OGDH: variants seen among roughly 807,000 people sequenced by gnomAD.
The protein encoded by OGDH is 2-oxoglutarate dehydrogenase complex component E1.
OGDH carries 38 observed loss-of-function variants against 116.6 expected under a neutral mutation model. The ratio of observed to expected loss-of-function variants is 0.33; its 90% CI spans 0.25 to 0.43. OGDH has a LOEUF of 0.43. Among genes scored for constraint, OGDH ranks in the 20% least tolerant of loss-of-function variants. OGDH has a pLI of 1.00. For synonymous variants in OGDH, 488 were observed against 533.3 expected, an observed-to-expected ratio of 0.92 and a Z score of 1.17; for missense variants, 825 against 1,357.2, an observed-to-expected ratio of 0.61 and a Z score of 6.16.
At chr7:44,658,971 G>T (rs1350866425) in intron 4 of OGDH, among the ~76,000 whole-genome samples, 1 of 151,944 alleles carries the variant, frequency 6.6e-6, no homozygotes, top group Non-Finnish European at 1.5e-5. Flanking sequence ...AAGTAGCAGG[G>T]GGCTACCAGT....
chr7:44,654,684 G>A (rs1482622642), intron 4 of OGDH, among the ~76,000 whole-genome samples: 1 of 152,142 alleles, frequency 6.6e-6, no homozygotes, highest in African/African-American at 2.4e-5. Flanking sequence ...AGCCATGGGC[G>A]ATATGGTCAC....
At chr7:44,679,351 A>G (rs984288964) in intron 9 of OGDH, among the ~76,000 whole-genome samples, 8 of 152,138 alleles carry the variant, frequency 5.3e-5, no homozygotes, top group Non-Finnish European at 1.2e-4. Context: ...GCACACCTCC[A>G]AGGGGGCCCC....
chr7:44,634,361 C>T (rs1488560238), intron 2 of OGDH, among the ~76,000 whole-genome samples: 1 of 152,212 alleles, frequency 6.6e-6, no homozygotes, highest in Non-Finnish European at 1.5e-5. Flanking sequence ...GAGGAAAAGG[C>T]ATGGCCACTG....
intron 1 of OGDH, among the ~76,000 whole-genome samples, chr7:44,624,043 G>A (rs1338877597): frequency 6.6e-6 from 1 of 152,038 alleles, no homozygotes; most frequent in African/African-American, 2.4e-5. Flanking sequence ...GCAAGAGTGT[G>A]TTTCAGTTTC....
intron 1 of OGDH, among the ~76,000 whole-genome samples, chr7:44,611,367 C>T (rs1384154850): frequency 1.3e-5 from 2 of 152,172 alleles, no homozygotes; most frequent in Non-Finnish European, 2.9e-5. Context: ...CTTCCGGGTT[C>T]ATGCCATTCT....
At chr7:44,613,189 G>A (rs1339520433) in intron 1 of OGDH, among the ~76,000 whole-genome samples, 1 of 134,722 alleles carries the variant, frequency 7.4e-6, no homozygotes, top group Non-Finnish European at 1.6e-5. Context: ...TTTTGTTTTT[G>A]TTTTTTGAGA....
chr7:44,632,606 G>T (rs375337567), intron 2 of OGDH, among the ~76,000 whole-genome samples: 141 of 147,680 alleles, frequency 9.5e-4, no homozygotes, highest in African/African-American at 3.4e-3. Context: ...CCTGGTGGAT[G>T]TTTTTTGTTG....
At chr7:44,653,731 G>A (rs1786556098) in intron 4 of OGDH, among the ~76,000 whole-genome samples, 1 of 152,118 alleles carries the variant, frequency 6.6e-6, no homozygotes, top group Non-Finnish European at 1.5e-5. Context: ...TTACCATGTT[G>A]GCCAGGCTGG....
At chr7:44,655,689 A>T (rs1221488104) in intron 4 of OGDH, among the ~76,000 whole-genome samples, 1 of 152,222 alleles carries the variant, frequency 6.6e-6, no homozygotes, top group African/African-American at 2.4e-5. Context: ...GAAAGCTGTT[A>T]TGTATAGTAG....
intron 2 of OGDH, among the ~76,000 whole-genome samples, chr7:44,624,996 A>G (rs1313921889): frequency 6.6e-6 from 1 of 152,112 alleles, no homozygotes; most frequent in East Asian, 1.9e-4. Context: ...CTTTTAGCTC[A>G]TTATGTTCGT....
chr7:44,652,419 T>C (rs1786491137), intron 4 of OGDH, among the ~76,000 whole-genome samples: 1 of 152,184 alleles, frequency 6.6e-6, no homozygotes, highest in Non-Finnish European at 1.5e-5. Context: ...CAGAGATAAC[T>C]TTTTAATGAA....
At position 44,651,674 on chromosome 7, in the gene OGDH, G is replaced by T. The variant is rs146544741; in HGVS notation, c.517+3915G>T. ...CCTCCCGGGTTCAAGTGATTCTCCT[G>T]CCTCAACCTCCTGAGTAGCTGGGAT... On this transcript the variant is annotated intron_variant, in intron 4 of 22. Transcript: ENST00000222673. 5.8e-3 allele frequency among the ~76,000 whole-genome samples: 879 copies of T among 151,992 alleles called. 10 individuals are homozygous for T. The highest frequency in any genetic ancestry group is 0.019 in the African/African-American group (803 of 41,454).
At chr7:44,607,286 G>A (rs1475148502) in intron 1 of OGDH, among the ~76,000 whole-genome samples, 2 of 152,332 alleles carry the variant, frequency 1.3e-5, no homozygotes, top group East Asian at 3.9e-4. Context: ...CTTATTTCTC[G>A]TAGAAACATC....
intron 4 of OGDH, among the ~76,000 whole-genome samples, chr7:44,659,892 G>T (rs777307190): frequency 7.2e-5 from 11 of 151,934 alleles, no homozygotes; most frequent in South Asian, 2.1e-4. Flanking sequence ...TGTTTCATTG[G>T]TTTTTTTCTG....
At position 44,694,024 on chromosome 7, in the gene OGDH, G is replaced by C; in HGVS notation, c.1515+20G>C. On this transcript the variant is annotated intron_variant, in intron 11 of 22. Coordinates refer to ENST00000222673, the MANE Select transcript of OGDH (RefSeq NM_002541.4). This position sits in a 1 kb window ranked among gnomAD's most constrained non-coding sequence, Gnocchi z 4.2. ...GATTTGGTGAGTGACTCTGGGGACA[G>C]CACGTCCTGGGCAGAGCATCTGACC... 14 of 1,602,016 alleles carry C rather than the reference G, an allele frequency of 8.7e-6. No individual in the cohort carries two copies. Among genetic ancestry groups the C allele is most frequent in the Non-Finnish European group, 1.2e-5 (14 of 1,171,418 alleles).
chr7:44,617,610 A>G (rs928844668), intron 1 of OGDH, among the ~76,000 whole-genome samples: 1 of 152,256 alleles, frequency 6.6e-6, no homozygotes, highest in Non-Finnish European at 1.5e-5. Flanking sequence ...TACTCTGTAC[A>G]TGAGTTCTTT....
chr7:44,705,368 T>C (rs1004840053), intron 20 of OGDH, among the ~76,000 whole-genome samples: 16 of 152,186 alleles, frequency 1.1e-4, no homozygotes, highest in African/African-American at 2.7e-4. Context: ...TTAATTTTCA[T>C]GAAGTCAGAT....
chr7:44,699,157 A>C, intron 18 of OGDH, among the ~76,000 whole-genome samples: 1 of 148,392 alleles, frequency 6.7e-6, no homozygotes. Flanking sequence ...GGCCAGGCGC[A>C]GTGGCTCACG....
chr7:44,666,771 G>A lies in OGDH; in HGVS notation c.553G>A (p.Val185Ile), dbSNP rs760165485. ...CCTGGATGAGTCTGACCTCGACAAGGTCTTCCACTTGCCCACCACCACTTT... is the reference window on the plus strand; with the variant it reads ...CCTGGATGAGTCTGACCTCGACAAGATCTTCCACTTGCCCACCACCACTTT... The part of the protein sequence containing the change: ...YGLDESDLDK[V>I]FHLPTTTFIG... The change falls in exon 5 of 23, where the codon GTC (valine) becomes ATC (isoleucine). Residue 185 changes from valine (V) to isoleucine (I), a missense_variant. By Grantham distance (29) the Val-to-Ile change is conservative. Coordinates refer to ENST00000222673, the MANE Select transcript of OGDH (RefSeq NM_002541.4). 1 of 1,613,330 alleles carries A rather than the reference G, an allele frequency of 6.2e-7. No homozygotes were observed. Among genetic ancestry groups the A allele is most frequent in the African/African-American group, 1.3e-5 (1 of 74,970 alleles).
Sources: allele counts gnomAD v4.1 joint callset (sites outside exome capture counted in the v4.1 genomes callset), GRCh38; gene constraint gnomAD v4.1.1; non-coding constraint Gnocchi (gnomAD v3.1); transcripts MANE v1.5; gene names NCBI Gene and HGNC (gene_info 2026-07-23, HGNC 2026-07-21).